The following SLX4IP variants were observed in gnomAD, a reference collection of about 807,000 sequenced individuals.
SLX4IP encodes the protein SLX4 interacting protein.
SLX4IP carries 34 observed loss-of-function variants against 32.9 expected under a neutral mutation model. The observed-to-expected ratio is 1.03, with a 90% CI of 0.79 to 1.38. The LOEUF (loss-of-function observed/expected upper bound fraction) is 1.38, where lower values mean the gene tolerates loss of function less well. Among genes scored for constraint, SLX4IP ranks in the 40% most tolerant of loss-of-function variants. The probability of loss-of-function intolerance (pLI) is 0.00; values close to 1 mark genes in which losing one functional copy is unlikely to be tolerated. For missense variants in SLX4IP, 444 were observed against 479.0 expected, an observed-to-expected ratio of 0.93 and a Z score of 0.68; for synonymous variants, 172 against 171.7, an observed-to-expected ratio of 1.00 and a Z score of -0.01.
chr20:10,508,901 C>A (rs981506093), intron 2 of SLX4IP, among the ~76,000 whole-genome samples: 1 of 152,176 alleles, frequency 6.6e-6, no homozygotes. Context: ...TCCCTGCAGA[C>A]CCTGGGGCCT....
At chr20:10,518,637 G>A (rs534515722) in intron 2 of SLX4IP, among the ~76,000 whole-genome samples, 61 of 150,708 alleles carry the variant, frequency 4.0e-4, no homozygotes, top group Non-Finnish European at 6.6e-4. Context: ...GCAGCGCTGC[G>A]ATCTCAGCTC....
At chr20:10,564,795 G>T (rs1275714308) in intron 4 of SLX4IP, among the ~76,000 whole-genome samples, 2 of 152,072 alleles carry the variant, frequency 1.3e-5, no homozygotes, top group Non-Finnish European at 2.9e-5. Flanking sequence ...AAAATTAATG[G>T]TATAAGGCTT....
At chr20:10,611,600 A>G (rs1480301643) in intron 6 of SLX4IP, among the ~76,000 whole-genome samples, 1 of 152,148 alleles carries the variant, frequency 6.6e-6, no homozygotes, top group East Asian at 1.9e-4. Context: ...TTGTTAGTTC[A>G]GTAGTTTGAT....
intron 2 of SLX4IP, among the ~76,000 whole-genome samples, chr20:10,487,212 G>A (rs1351378821): frequency 6.6e-6 from 1 of 152,178 alleles, no homozygotes. Context: ...TTTTGGAACT[G>A]TGATACTTGT....
intron 2 of SLX4IP, among the ~76,000 whole-genome samples, chr20:10,495,511 A>T (rs1411712760): frequency 6.7e-6 from 1 of 150,224 alleles, no homozygotes; most frequent in Non-Finnish European, 1.5e-5. Flanking sequence ...ATAATCAGAT[A>T]AGTTAATTTC....
In SLX4IP at chr20:10,622,923, T is replaced by C. The variant is rs1201061269; in HGVS notation, c.771T>C (p.Pro257=). ...QPEDTSGQQK[P]HPGERLKTGL... ...AAGACACTAGTGGCCAGCAAAAACC[T>C]CATCCTGGGGAGCGGTTAAAGACAG... The change falls in exon 8 of 8, where the codon CCT becomes CCC. Residue 257 remains proline (P), a synonymous_variant. Coordinates refer to ENST00000334534, the MANE Select transcript of SLX4IP (RefSeq NM_001009608.3). The C allele has an allele frequency of 6.2e-7, 1 of 1,614,020 alleles. No homozygotes were observed. Among genetic ancestry groups the C allele is most frequent in the Non-Finnish European group, 8.5e-7 (1 of 1,180,010 alleles).
chr20:10,542,920 T>C (rs569241385), intron 2 of SLX4IP, among the ~76,000 whole-genome samples: 16 of 152,306 alleles, frequency 1.1e-4, no homozygotes, highest in African/African-American at 3.6e-4. Flanking sequence ...ATGTCCCCTA[T>C]ATATTCATCC....
intron 2 of SLX4IP, among the ~76,000 whole-genome samples, chr20:10,474,849 C>G (rs952942559): frequency 2.6e-5 from 4 of 152,202 alleles, no homozygotes; most frequent in African/African-American, 9.7e-5. Flanking sequence ...CATAGCTTAC[C>G]TCGGCCTCCC....
At chr20:10,458,293 T>C in intron 2 of SLX4IP, 62 bp downstream of exon 2, 1 of 1,371,132 alleles carries the variant, frequency 7.3e-7, no homozygotes, top group Non-Finnish European at 1.0e-6. Flanking sequence ...AACTGAGCTC[T>C]GTGTTAATTG....
intron 2 of SLX4IP, among the ~76,000 whole-genome samples, chr20:10,512,077 A>G (rs1376033491): frequency 6.6e-6 from 1 of 152,188 alleles, no homozygotes; most frequent in Non-Finnish European, 1.5e-5. Flanking sequence ...CAAATAATAC[A>G]TCCTTTAGAC....
intron 1 of SLX4IP, among the ~76,000 whole-genome samples, chr20:10,436,733 A>G (rs924826951): frequency 5.3e-5 from 8 of 152,182 alleles, no homozygotes; most frequent in East Asian, 3.8e-4. Flanking sequence ...TCTAAATGCA[A>G]TGGATATTTG....
chr20:10,621,440 T>C, intron 7 of SLX4IP, 26 bp downstream of exon 7: 1 of 1,605,416 alleles, frequency 6.2e-7, no homozygotes, highest in Non-Finnish European at 8.5e-7. Context: ...TTCCTTTTTC[T>C]CATTTTTGCC....
At position 10,598,708 on chromosome 20, in the gene SLX4IP, A is replaced by G. The variant is rs745798917; in HGVS notation, c.272A>G (p.Lys91Arg). 4.3e-6 allele frequency: 7 copies of G among 1,614,156 alleles called. No individual in the cohort carries two copies. The highest frequency in any genetic ancestry group is 1.1e-5 in the South Asian group (1 of 91,068). ...TTTCAAATCACAGCCTATTTCCTCA[A>G]GAGAGGGATACGCCTTCGCTGCATC... ...YGFQITAYFL[K>R]RGIRLRCIRS... is the part of the protein sequence containing the mutation. The change falls in exon 5 of 8, where the codon AAG becomes AGG. Residue 91 changes from lysine to arginine, a missense_variant. Transcript: ENST00000334534.
intron 2 of SLX4IP, among the ~76,000 whole-genome samples, chr20:10,494,428 C>T (rs1253378760): frequency 1.3e-5 from 2 of 150,298 alleles, no homozygotes; most frequent in Non-Finnish European, 3.0e-5. Flanking sequence ...GGTTTGTATA[C>T]AATATAATGC....
chr20:10,592,622 C>CTTTTTTTTTTTT (rs33995611), intron 4 of SLX4IP, among the ~76,000 whole-genome samples: 4 of 55,170 alleles, frequency 7.3e-5, no homozygotes, highest in African/African-American at 8.4e-5. Flanking sequence ...TATTCTTCAT[C>CTTTTTTTTTTTT]TTTTTTTTTT....
intron 2 of SLX4IP, among the ~76,000 whole-genome samples, chr20:10,470,550 G>A (rs1215521588): frequency 1.3e-5 from 2 of 152,146 alleles, no homozygotes; most frequent in African/African-American, 4.8e-5. Flanking sequence ...CAGACTGTTG[G>A]AAATAATCAG....
At chr20:10,445,056 G>A (rs2033408418) in intron 1 of SLX4IP, among the ~76,000 whole-genome samples, 2 of 152,114 alleles carry the variant, frequency 1.3e-5, no homozygotes, top group Admixed American at 1.3e-4. Context: ...TCTGTGTTTA[G>A]ATATCACAAC....
At chr20:10,487,199 C>A (rs1274482162) in intron 2 of SLX4IP, among the ~76,000 whole-genome samples, 1 of 152,166 alleles carries the variant, frequency 6.6e-6, no homozygotes, top group African/African-American at 2.4e-5. Flanking sequence ...CTTATTTATT[C>A]ACTTTTGGAA....
chr20:10,551,870 AGCAGG>A (rs2066221366), intron 2 of SLX4IP, among the ~76,000 whole-genome samples: 1 of 152,236 alleles, frequency 6.6e-6, no homozygotes, highest in Non-Finnish European at 1.5e-5. Flanking sequence ...TCTGAGCTGC[AGCAGG>A]AGTGGACTGA....
Sources: allele counts gnomAD v4.1 joint callset (sites outside exome capture counted in the v4.1 genomes callset), GRCh38; gene constraint gnomAD v4.1.1; transcripts MANE v1.5; gene names NCBI Gene and HGNC (gene_info 2026-07-23, HGNC 2026-07-21).